Variants in WNT3 observed in about 807,000 individuals in gnomAD.
The protein encoded by WNT3 is proto-oncogene Wnt-3.
In WNT3, 7 loss-of-function variants were observed where a neutral mutation model predicts 34.2. The observed-to-expected ratio is 0.20, with a 90% CI of 0.12 to 0.38. WNT3 has a LOEUF of 0.38. WNT3 is among the 10% of genes least tolerant of loss of function. The pLI is 1.00. For missense variants in WNT3, 267 were observed against 499.8 expected (o/e 0.53, Z 4.44); for synonymous variants, 212 against 211.5 (o/e 1.00, Z -0.02).
At chr17:46,816,475 G>GCACGCGCACA (rs1475869479) in intron 1 of WNT3, among the ~76,000 whole-genome samples, 5 of 144,244 alleles carry the variant, frequency 3.5e-5, no homozygotes, top group African/African-American at 1.3e-4. Flanking sequence ...CAGAACACAC[G>GCACGCGCACA]CACACACACA....
intron 3 of WNT3, among the ~76,000 whole-genome samples, chr17:46,769,352 A>T (rs567558662): frequency 1.6e-4 from 24 of 152,196 alleles, no homozygotes; most frequent in Admixed American, 7.8e-4. Context: ...AAGAAAAAAG[A>T]AATAGGAGTT....
chr17:46,766,248 A>G (rs932308615), intron 4 of WNT3, among the ~76,000 whole-genome samples: 2 of 152,048 alleles, frequency 1.3e-5, no homozygotes, highest in Non-Finnish European at 2.9e-5. Flanking sequence ...TCTCTACTAA[A>G]AATAAAAAAA....
At chr17:46,784,386 T>C (rs2059484981) in intron 1 of WNT3, among the ~76,000 whole-genome samples, 1 of 151,980 alleles carries the variant, frequency 6.6e-6, no homozygotes, top group Admixed American at 6.5e-5. Flanking sequence ...GGACGGAAGC[T>C]AGAAATCCAT....
rs1249224449 is a variant in WNT3 at position 46,780,875 on chromosome 17, G to C, written c.81-6966C>G. Among the ~76,000 whole-genome samples the C allele has an allele frequency of 6.6e-5, 10 of 152,158 alleles. 1 individual carries two copies. Among genetic ancestry groups the C allele is most frequent in the Admixed American group, 6.5e-4 (10 of 15,278 alleles). ...CAGCCAAAAGGTAGAGACAACCCAA[G>C]AGTCCTCAGCAGATGAATGGATAAA... On this transcript the variant is annotated intron_variant, in intron 1 of 4. Coordinates refer to ENST00000225512, the MANE Select transcript of WNT3 (RefSeq NM_030753.5).
In WNT3 at chr17:46,792,707, C is replaced by T. The variant is rs1003174697; in HGVS notation, c.81-18798G>A. ...CAGGCTAGCCTCGAACTACTGACCA[C>T]GTGATCTGCCCACCTCTGCCTCCCA... On this transcript the variant is annotated intron_variant, in intron 1 of 4. Coordinates refer to ENST00000225512, the MANE Select transcript of WNT3 (RefSeq NM_030753.5). Among the ~76,000 whole-genome samples, 5 of 152,234 alleles carry T rather than the reference C, an allele frequency of 3.3e-5. No homozygotes were observed. The East Asian group carries it at 5.8e-4, about 18-fold the overall frequency.
Position 46,764,079 on chromosome 17 carries a change from T to A in WNT3, c.*551A>T, listed in dbSNP as rs547052640. 7.9e-5 allele frequency: 12 copies of A among 152,300 alleles called. No individual in the cohort carries two copies. Among genetic ancestry groups the A allele is most frequent in the African/African-American group, 2.9e-4 (12 of 41,572 alleles). 9.4% of individuals were successfully genotyped at this position (152,300 alleles called of 1,614,324 possible). ...GACCTTCCTACCACTTCATCCTAGC[T>A]AAACCTATGGCTTTTATCAGAATGA... On this transcript the variant is annotated 3_prime_UTR_variant, in exon 5 of 5. Transcript: ENST00000225512.
intron 1 of WNT3, among the ~76,000 whole-genome samples, chr17:46,787,637 A>G (rs578210247): frequency 1.1e-4 from 16 of 152,324 alleles, no homozygotes; most frequent in East Asian, 7.7e-4. Context: ...CAGTACCTGC[A>G]TACTATGTGC....
At chr17:46,779,105 C>CACACACACACA (rs1568079934) in intron 1 of WNT3, among the ~76,000 whole-genome samples, 11 of 35,416 alleles carry the variant, frequency 3.1e-4, no homozygotes, top group Non-Finnish European at 5.4e-4. Context: ...ACACACACAC[C>CACACACACACA]CCAGCCCACT....
chr17:46,775,407 A>G (rs1292064161), intron 1 of WNT3, among the ~76,000 whole-genome samples: 1 of 152,142 alleles, frequency 6.6e-6, no homozygotes, highest in Non-Finnish European at 1.5e-5. Flanking sequence ...GGCACCGTGC[A>G]GGGGCATGCT....
intron 1 of WNT3, among the ~76,000 whole-genome samples, chr17:46,796,572 G>T (rs1475166568): frequency 6.6e-6 from 1 of 152,180 alleles, no homozygotes; most frequent in African/African-American, 2.4e-5. Flanking sequence ...TCCCACTCGG[G>T]GCACACAGAG....
In WNT3 at chr17:46,771,998, G is replaced by A. The variant is rs1431306992; in HGVS notation, c.322+1670C>T. On this transcript the variant is annotated intron_variant, in intron 2 of 4. Coordinates refer to ENST00000225512, the MANE Select transcript of WNT3 (RefSeq NM_030753.5). ...CCGCCCCCAGACTCGCGGAAGACGC[G>A]CGCCCCGGGCTGCCCGACCCGCTGC... Among the ~76,000 whole-genome samples the A allele has an allele frequency of 2.0e-5, 3 of 150,724 alleles. No homozygotes were observed. The East Asian group carries it at 5.9e-4, about 30-fold the overall frequency.
intron 1 of WNT3, among the ~76,000 whole-genome samples, chr17:46,808,082 A>C (rs1598796028): frequency 6.6e-6 from 1 of 152,220 alleles, no homozygotes; most frequent in Non-Finnish European, 1.5e-5. Flanking sequence ...ACTAAGTAGA[A>C]GGAAAGAGCT....
In WNT3 at chr17:46,768,797, A is replaced by G; in HGVS notation, c.591T>C (p.Thr197=). ...ATTTGAGGTGCATGTGGTCCAGGATAGTCTGGGGGAGAGAAGTGGCAGCTG... is the reference window on the plus strand; with the variant it reads ...ATTTGAGGTGCATGTGGTCCAGGATGGTCTGGGGGAGAGAAGTGGCAGCTG... ...NKHNNEAGRT[T]ILDHMHLKCK... The change falls in exon 4 of 5, where the codon ACT becomes ACC. Residue 197 remains threonine (T), a splice_region_variant and synonymous_variant. Coordinates refer to ENST00000225512, the MANE Select transcript of WNT3 (RefSeq NM_030753.5). The surrounding 1 kb of genome is among the most constrained non-coding windows in gnomAD (Gnocchi z 5.0). 2.5e-6 allele frequency: 4 copies of G among 1,612,786 alleles called. No homozygotes were observed. Among genetic ancestry groups the G allele is most frequent in the Non-Finnish European group, 2.5e-6 (3 of 1,179,424 alleles).
At chr17:46,807,336 G>A (rs2084210883) in intron 1 of WNT3, among the ~76,000 whole-genome samples, 1 of 152,178 alleles carries the variant, frequency 6.6e-6, no homozygotes, top group Admixed American at 6.5e-5. Flanking sequence ...TACAAAATTA[G>A]CTGGGTGTGG....
At chr17:46,770,088 C>A in intron 2 of WNT3, 40 bp from the exon 3 acceptor site, 1 of 1,502,160 alleles carries the variant, frequency 6.7e-7, no homozygotes, top group Non-Finnish European at 8.9e-7. Context: ...CAGGACCCGG[C>A]CTGGGAGCGC....
intron 4 of WNT3, among the ~76,000 whole-genome samples, chr17:46,766,029 A>G (rs2059309694): frequency 1.3e-5 from 2 of 152,180 alleles, no homozygotes; most frequent in East Asian, 1.9e-4. Context: ...TCTTGAAACC[A>G]TATCTATGTA....
chr17:46,803,384 C>T (rs895708156), intron 1 of WNT3, among the ~76,000 whole-genome samples: 5 of 152,166 alleles, frequency 3.3e-5, no homozygotes, highest in African/African-American at 7.2e-5. Flanking sequence ...AAATACAAAA[C>T]TTAGCCAGGT....
intron 1 of WNT3, among the ~76,000 whole-genome samples, chr17:46,784,384 G>A (rs1044081529): frequency 6.6e-6 from 1 of 152,208 alleles, no homozygotes; most frequent in Non-Finnish European, 1.5e-5. Flanking sequence ...AGGGACGGAA[G>A]CTAGAAATCC....
intron 4 of WNT3, among the ~76,000 whole-genome samples, chr17:46,767,124 G>A (rs1199375470): frequency 1.3e-5 from 2 of 152,056 alleles, no homozygotes; most frequent in Non-Finnish European, 2.9e-5. Context: ...CTTCCACCCC[G>A]GGGGTCCAGG....
Sources: gnomAD v4.1 joint callset for allele counts (sites outside exome capture counted in the v4.1 genomes callset) on GRCh38, gnomAD v4.1.1 for gene constraint, Gnocchi (gnomAD v3.1) non-coding constraint, MANE v1.5 for transcripts, NCBI Gene and HGNC (gene_info 2026-07-23, HGNC 2026-07-21) for gene names.